Variants in C2orf80 observed in about 807,000 individuals in gnomAD.
C2orf80 encodes chromosome 2 open reading frame 80, also known as uncharacterized protein C2orf80.
In C2orf80, 28 loss-of-function variants were observed where a neutral mutation model predicts 30.2. The ratio of observed to expected loss-of-function variants is 0.93; its 90% CI spans 0.69 to 1.27. C2orf80 has a LOEUF of 1.27. C2orf80 is among the 50% of genes most tolerant of loss of function. C2orf80 has a pLI of 0.00. For missense variants in C2orf80, 220 were observed against 231.0 expected, an observed-to-expected ratio of 0.95 and a Z score of 0.31; for synonymous variants, 80 against 76.4, an observed-to-expected ratio of 1.05 and a Z score of -0.24.
Position 208,165,531 on chromosome 2 carries a change from C to G in C2orf80, c.*276G>C, listed in dbSNP as rs972745476. 3.5e-5 allele frequency: 12 copies of G among 345,666 alleles called. No homozygotes were observed. The highest frequency in any genetic ancestry group is 1.9e-4 in the African/African-American group (9 of 47,442). The allele number at this position is 345,666 out of a possible 1,614,324, so 21.4% of individuals were successfully genotyped here. ...AAATGTGCTACAAAGCCAGCTTGCTCTAACACAGAAATACTATATACTTTC... is the reference window on the plus strand; with the variant it reads ...AAATGTGCTACAAAGCCAGCTTGCTGTAACACAGAAATACTATATACTTTC... On this transcript the variant is annotated 3_prime_UTR_variant, in exon 9 of 9. Coordinates refer to ENST00000341287, the MANE Select transcript of C2orf80 (RefSeq NM_001099334.3).
chr2:208,184,124 C>A (rs1333653862), intron 3 of C2orf80, among the ~76,000 whole-genome samples: 1 of 152,200 alleles, frequency 6.6e-6, no homozygotes, highest in Non-Finnish European at 1.5e-5. Flanking sequence ...AAGTTTGATG[C>A]CTTGGCATCA....
At chr2:208,167,800 G>T (rs749801334) in intron 8 of C2orf80, among the ~76,000 whole-genome samples, 42 of 150,984 alleles carry the variant, frequency 2.8e-4, no homozygotes, top group Non-Finnish European at 3.7e-4. Flanking sequence ...GGTCTTGAAT[G>T]CCTGACCTCA....
chr2:208,166,367 G>A (rs370032594), intron 8 of C2orf80, among the ~76,000 whole-genome samples: 7 of 152,122 alleles, frequency 4.6e-5, no homozygotes, highest in African/African-American at 1.4e-4. Flanking sequence ...AAAGGAATAC[G>A]TGGGTTCTTT....
intron 1 of C2orf80, among the ~76,000 whole-genome samples, chr2:208,188,984 G>A (rs1186404468): frequency 6.6e-6 from 1 of 152,178 alleles, no homozygotes; most frequent in Non-Finnish European, 1.5e-5. Context: ...CACACTCATT[G>A]ATGTGGCTGT....
intron 6 of C2orf80, among the ~76,000 whole-genome samples, chr2:208,178,312 C>T (rs1696432267): frequency 6.6e-6 from 1 of 152,056 alleles, no homozygotes; most frequent in Non-Finnish European, 1.5e-5. Context: ...CCTTTCTAGA[C>T]CTCTCCCAGG....
intron 4 of C2orf80, among the ~76,000 whole-genome samples, chr2:208,181,814 AT>A (rs1416342333): frequency 6.6e-6 from 1 of 152,134 alleles, no homozygotes; most frequent in Non-Finnish European, 1.5e-5. Context: ...TTAAAAAAAA[AT>A]ATATCCACCC....
chr2:208,174,625 C>T (rs1696218137), intron 6 of C2orf80, among the ~76,000 whole-genome samples: 1 of 152,180 alleles, frequency 6.6e-6, no homozygotes, highest in African/African-American at 2.4e-5. Flanking sequence ...TGCCTATTTA[C>T]ATATGGGGAA....
rs761531395 is a variant in C2orf80 at position 208,168,530 on chromosome 2, G to A, written c.573+2415C>T. ...CAAAAAATTAGCCGGGCGTGGTGGCGGGCGCCTGTAGTCCCAGCTACTCGG... is the reference window on the plus strand; with the variant it reads ...CAAAAAATTAGCCGGGCGTGGTGGCAGGCGCCTGTAGTCCCAGCTACTCGG... On this transcript the variant is annotated intron_variant, in intron 8 of 8. Coordinates refer to ENST00000341287, the MANE Select transcript of C2orf80 (RefSeq NM_001099334.3). 297 of 170,222 alleles carry A rather than the reference G, an allele frequency of 1.7e-3. 3 individuals are homozygous for A. The highest frequency in any genetic ancestry group is 1.2e-3 in the Non-Finnish European group (92 of 78,838). The allele number at this position is 170,222 out of a possible 1,614,324, so 10.5% of individuals were successfully genotyped here.
intron 6 of C2orf80, among the ~76,000 whole-genome samples, chr2:208,173,581 T>G (rs893137185): frequency 6.6e-6 from 1 of 151,520 alleles, no homozygotes; most frequent in Non-Finnish European, 1.5e-5. Context: ...GCCGAGATCG[T>G]GCCACTGCAC....
chr2:208,173,557 G>A (rs1042945220), intron 6 of C2orf80, among the ~76,000 whole-genome samples: 4 of 151,636 alleles, frequency 2.6e-5, no homozygotes, highest in Admixed American at 6.6e-5. Flanking sequence ...CCCGGGAGGC[G>A]GAGCTTGCCG....
At chr2:208,177,673 G>C (rs1020092208) in intron 6 of C2orf80, among the ~76,000 whole-genome samples, 17 of 152,056 alleles carry the variant, frequency 1.1e-4, no homozygotes, top group African/African-American at 3.9e-4. Flanking sequence ...TGTGAGAATG[G>C]GGACTATGTG....
intron 3 of C2orf80, among the ~76,000 whole-genome samples, chr2:208,184,365 CT>C (rs1696651667): frequency 6.6e-6 from 1 of 152,160 alleles, no homozygotes; most frequent in South Asian, 2.1e-4. Flanking sequence ...CCTGGCTCTA[CT>C]TTAGTCGGAG....
intron 8 of C2orf80, among the ~76,000 whole-genome samples, chr2:208,167,303 C>T (rs190194197): frequency 4.6e-4 from 70 of 151,886 alleles, no homozygotes; most frequent in East Asian, 2.0e-3. Flanking sequence ...GTGGGTGGAT[C>T]ACGAGGTCAG....
intron 8 of C2orf80, among the ~76,000 whole-genome samples, chr2:208,167,145 C>T (rs553496319): frequency 2.6e-5 from 4 of 152,220 alleles, no homozygotes; most frequent in South Asian, 2.1e-4. Context: ...TTAGTATGGT[C>T]GTGTTCATTC....
chr2:208,185,582 AG>A (rs2105913797), intron 2 of C2orf80, among the ~76,000 whole-genome samples: 1 of 152,312 alleles, frequency 6.6e-6, no homozygotes, highest in South Asian at 2.1e-4. Context: ...TAATAAAAGA[AG>A]GTAAAATAAG....
intron 6 of C2orf80, among the ~76,000 whole-genome samples, chr2:208,178,851 G>A (rs573555370): frequency 1.6e-4 from 24 of 152,006 alleles, no homozygotes; most frequent in Non-Finnish European, 3.2e-4. Flanking sequence ...TCCGTCTTCC[G>A]GGTTCAAGAG....
chr2:208,175,894 C>T (rs1696274777), intron 6 of C2orf80, among the ~76,000 whole-genome samples: 1 of 152,120 alleles, frequency 6.6e-6, no homozygotes, highest in African/African-American at 2.4e-5. Context: ...GCAAAAGTCC[C>T]TGTGTGCAGC....
intron 3 of C2orf80, 65 bp from the exon 4 acceptor site, chr2:208,183,112 C>T (rs1018810017): frequency 7.6e-7 from 1 of 1,310,904 alleles, no homozygotes; most frequent in Non-Finnish European, 1.1e-6. Flanking sequence ...ACTCCCTGGA[C>T]CCAATGACAA....
intron 6 of C2orf80, among the ~76,000 whole-genome samples, chr2:208,178,387 G>A (rs915321944): frequency 5.3e-5 from 8 of 152,096 alleles, no homozygotes; most frequent in Admixed American, 3.9e-4. Context: ...AGGCTTGTGT[G>A]TATATGTGCT....
Sources: gnomAD v4.1 joint callset for allele counts (sites outside exome capture counted in the v4.1 genomes callset) on GRCh38, gnomAD v4.1.1 for gene constraint, MANE v1.5 for transcripts, NCBI Gene and HGNC (gene_info 2026-07-23, HGNC 2026-07-21) for gene names.